Variants in ARHGEF4 observed in about 807,000 individuals in gnomAD.
ARHGEF4 encodes the protein APC-stimulated guanine nucleotide exchange factor 1.
A neutral mutation model predicts 162.0 loss-of-function variants in ARHGEF4; 119 were observed. The observed-to-expected ratio is 0.73, with a 90% CI of 0.63 to 0.86. The LOEUF is 0.86. Ranked by LOEUF, ARHGEF4 falls within the 40% of genes least tolerant of loss-of-function variation. The pLI is 0.00. For missense variants in ARHGEF4, 2,488 were observed against 2,456.0 expected (o/e 1.01, Z -0.28); for synonymous variants, 1,014 against 979.9 (o/e 1.03, Z -0.65).
At chr2:130,909,550 C>T (rs1681042432) in intron 1 of ARHGEF4, among the ~76,000 whole-genome samples, 1 of 151,886 alleles carries the variant, frequency 6.6e-6, no homozygotes, top group African/African-American at 2.4e-5. Flanking sequence ...GATCAACGGT[C>T]ATCATATTGA....
intron 1 of ARHGEF4, among the ~76,000 whole-genome samples, chr2:130,865,343 G>A (rs1035575600): frequency 6.6e-6 from 1 of 152,220 alleles, no homozygotes; most frequent in African/African-American, 2.4e-5. Flanking sequence ...ATGTTGTACA[G>A]TCCAGTTGCT....
chr2:131,022,838 T>G (rs1689222159), intron 4 of ARHGEF4, among the ~76,000 whole-genome samples: 1 of 151,784 alleles, frequency 6.6e-6, no homozygotes, highest in Non-Finnish European at 1.5e-5. Flanking sequence ...ATTATAACAA[T>G]TTTAAACTTT....
In ARHGEF4 at chr2:130,836,919, G is replaced by C; in HGVS notation, c.-35G>C. The stretch of plus-strand genomic sequence containing the variant: ...CCGGCTCGGCGGCGCGGCTCGTAGT[G>C]CTGCGGCCGGGCTCCGGGCGTCCCG... On this transcript the variant is annotated 5_prime_UTR_variant, in exon 1 of 14. Coordinates refer to ENST00000409359, the MANE Select transcript of ARHGEF4 (RefSeq NM_001367493.1). 8.2e-7 allele frequency: 1 copy of C among 1,222,206 alleles called. No homozygotes were observed. The highest frequency in any genetic ancestry group is 3.2e-5 in the East Asian group (1 of 30,954). 75.7% of individuals were successfully genotyped at this position (1,222,206 alleles called of 1,614,324 possible).
At chr2:130,884,312 A>G (rs1289529675) in intron 1 of ARHGEF4, among the ~76,000 whole-genome samples, 1 of 152,024 alleles carries the variant, frequency 6.6e-6, no homozygotes, top group Non-Finnish European at 1.5e-5. Context: ...GCACACACAC[A>G]CACACACCCA....
rs1690175053 is a variant in ARHGEF4 at position 131,035,279 on chromosome 2, C to T, written c.4126-3574C>T. 5 of 1,214,736 alleles carry T rather than the reference C, an allele frequency of 4.1e-6. No individual in the cohort carries two copies. The South Asian group carries it at 1.7e-4, about 40-fold the overall frequency. The allele number at this position is 1,214,736 out of a possible 1,614,324, so 75.2% of individuals were successfully genotyped here. On this transcript the variant is annotated intron_variant, in intron 5 of 13. Transcript: ENST00000409359. The stretch of plus-strand genomic sequence containing the variant: ...TTCCGCTGAGCGGCCGCGCAGGGCG[C>T]CGCGCCGGGGTGAGTGGCGCGGGCG...
intron 2 of ARHGEF4, among the ~76,000 whole-genome samples, chr2:130,928,119 T>A (rs1028349372): frequency 2.6e-5 from 4 of 152,246 alleles, no homozygotes; most frequent in African/African-American, 9.6e-5. Context: ...GAATTTCATA[T>A]TTATTTCAGA....
At chr2:131,005,222 T>C (rs1270213578) in intron 4 of ARHGEF4, among the ~76,000 whole-genome samples, 6 of 152,174 alleles carry the variant, frequency 3.9e-5, no homozygotes, top group African/African-American at 1.2e-4. Flanking sequence ...TGTCACGCTC[T>C]GGGGGCAGAG....
intron 2 of ARHGEF4, among the ~76,000 whole-genome samples, chr2:130,918,648 C>T (rs1213333930): frequency 2.0e-5 from 3 of 152,208 alleles, no homozygotes; most frequent in Non-Finnish European, 4.4e-5. Context: ...AGAGCGCCTC[C>T]AGGCCAGGTG....
intron 1 of ARHGEF4, among the ~76,000 whole-genome samples, chr2:130,864,212 AAAG>A (rs1435698750): frequency 0.022 from 3,286 of 146,816 alleles, 61 homozygotes; most frequent in East Asian, 0.08. Flanking sequence ...AAAAAAAAAA[AAAG>A]GAGTGAGTTA....
At chr2:131,034,446 A>G (rs1255627870) in intron 5 of ARHGEF4, among the ~76,000 whole-genome samples, 1 of 152,130 alleles carries the variant, frequency 6.6e-6, no homozygotes, top group South Asian at 2.1e-4. Flanking sequence ...AAGGAACACA[A>G]TGCTGCTCGG....
At chr2:130,960,122 A>G (rs1684544018) in intron 4 of ARHGEF4, among the ~76,000 whole-genome samples, 1 of 152,188 alleles carries the variant, frequency 6.6e-6, no homozygotes, top group South Asian at 2.1e-4. Flanking sequence ...CAGATTGCAT[A>G]TACAATGGTG....
intron 3 of ARHGEF4, among the ~76,000 whole-genome samples, chr2:130,943,635 T>G (rs1683435513): frequency 6.6e-6 from 1 of 152,176 alleles, no homozygotes; most frequent in African/African-American, 2.4e-5. Flanking sequence ...TTAACATACA[T>G]TCTTAACATT....
At chr2:131,005,684 G>A (rs1688074639) in intron 4 of ARHGEF4, among the ~76,000 whole-genome samples, 1 of 152,198 alleles carries the variant, frequency 6.6e-6, no homozygotes, top group Non-Finnish European at 1.5e-5. Context: ...GTCCTCAGGT[G>A]GGAGGGGAGG....
chr2:130,997,461 T>G (rs1687472317), intron 4 of ARHGEF4, among the ~76,000 whole-genome samples: 1 of 152,208 alleles, frequency 6.6e-6, no homozygotes, highest in Non-Finnish European at 1.5e-5. Flanking sequence ...TGTGCTTCAC[T>G]TACAGCATAA....
chr2:130,903,015 C>T (rs1330327966), intron 1 of ARHGEF4, among the ~76,000 whole-genome samples: 1 of 151,910 alleles, frequency 6.6e-6, no homozygotes, highest in African/African-American at 2.4e-5. Context: ...CCGTCCTCTG[C>T]CTTTTCTATA....
At chr2:130,865,024 G>A (rs997641963) in intron 1 of ARHGEF4, among the ~76,000 whole-genome samples, 6 of 152,334 alleles carry the variant, frequency 3.9e-5, no homozygotes, top group Non-Finnish European at 7.3e-5. Flanking sequence ...ATGCAAAGCC[G>A]ATAAGGTGAT....
chr2:131,028,326 C>T (rs1443406606), intron 5 of ARHGEF4, among the ~76,000 whole-genome samples: 2 of 152,186 alleles, frequency 1.3e-5, no homozygotes, highest in African/African-American at 4.8e-5. Flanking sequence ...GCAATGCCAG[C>T]GTGCTGGTCC....
rs1382688313 is a variant in ARHGEF4, at chr2:131,046,379, G to C, written c.*190G>C. 1 of 632,270 alleles carries C rather than the reference G, an allele frequency of 1.6e-6. No individual in the cohort carries two copies. Among genetic ancestry groups the C allele is most frequent in the Non-Finnish European group, 2.7e-6 (1 of 371,820 alleles). 39.2% of individuals were successfully genotyped at this position (632,270 alleles called of 1,614,324 possible). A position where few individuals can be genotyped will look rare whatever the true frequency, so the allele number is the denominator to read the frequency against. On this transcript the variant is annotated 3_prime_UTR_variant, in exon 14 of 14. Coordinates refer to ENST00000409359, the MANE Select transcript of ARHGEF4 (RefSeq NM_001367493.1). Reference sequence around the variant, plus strand: ...TCTTTTTCCCTGCTCCTGGTGCCCTGAAGAGACCAGCAAGGGGGCAGACCC... The same window carrying C: ...TCTTTTTCCCTGCTCCTGGTGCCCTCAAGAGACCAGCAAGGGGGCAGACCC...
At chr2:130,987,660 G>T (rs1558811154) in intron 4 of ARHGEF4, among the ~76,000 whole-genome samples, 1 of 152,140 alleles carries the variant, frequency 6.6e-6, no homozygotes, top group Non-Finnish European at 1.5e-5. Context: ...AGACAGGAAA[G>T]TTCCCCAAGT....
Sources: allele counts gnomAD v4.1 joint callset (sites outside exome capture counted in the v4.1 genomes callset), GRCh38; gene constraint gnomAD v4.1.1; transcripts MANE v1.5; gene names NCBI Gene and HGNC (gene_info 2026-07-23, HGNC 2026-07-21).